CNKSR3: variants seen among roughly 807,000 people sequenced by gnomAD.
CNKSR3 encodes connector enhancer of kinase suppressor of ras 3.
In CNKSR3, 36 loss-of-function variants were observed where a neutral mutation model predicts 67.7. The observed-to-expected ratio is 0.53, with a 90% CI of 0.41 to 0.70. The LOEUF (loss-of-function observed/expected upper bound fraction) is 0.70, where lower values mean the gene tolerates loss of function less well. CNKSR3 is among the 30% of genes least tolerant of loss of function. The pLI, the probability that CNKSR3 is intolerant of heterozygous loss-of-function variation, is 0.00. For synonymous variants in CNKSR3, 281 were observed against 271.4 expected (o/e 1.04, Z -0.35); for missense variants, 630 against 695.2 (o/e 0.91, Z 1.05).
chr6:154,439,389 C>T (rs1582860833), intron 4 of CNKSR3, among the ~76,000 whole-genome samples: 2 of 152,088 alleles, frequency 1.3e-5, no homozygotes, highest in African/African-American at 4.8e-5. Context: ...GGCAGAAGTT[C>T]ACCCCGTGAA....
At chr6:154,427,979 T>C (rs1785288246) in intron 7 of CNKSR3, 149 bp downstream of exon 7, 4 of 621,802 alleles carry the variant, frequency 6.4e-6, no homozygotes, top group Non-Finnish European at 8.8e-6. Context: ...TGACAAGCAG[T>C]ACTCTATCAA....
At position 154,391,592 on chromosome 6, in the gene CNKSR3, T is replaced by C. The variant is rs975939601; in HGVS notation, c.*14762A>G. The C allele has an allele frequency of 6.6e-6, 1 of 152,258 alleles. No individual in the cohort carries two copies. The highest frequency in any genetic ancestry group is 2.4e-5 in the African/African-American group (1 of 41,468). 9.4% of individuals were successfully genotyped at this position (152,258 alleles called of 1,614,324 possible). On this transcript the variant is annotated 3_prime_UTR_variant, in exon 13 of 13. Coordinates refer to ENST00000607772, the MANE Select transcript of CNKSR3 (RefSeq NM_173515.4). The stretch of plus-strand genomic sequence containing the variant: ...CAGTTACATTCTGAGGTACTGGGGT[T>C]AGGACTTCAATATGTGAATTTGGAG...
intron 1 of CNKSR3, among the ~76,000 whole-genome samples, chr6:154,503,785 T>G (rs1787043112): frequency 6.6e-6 from 1 of 152,120 alleles, no homozygotes; most frequent in South Asian, 2.1e-4. Flanking sequence ...GTAAGACTGG[T>G]TTTTTACTTT....
intron 1 of CNKSR3, among the ~76,000 whole-genome samples, chr6:154,508,289 T>C (rs1250664009): frequency 1.3e-5 from 2 of 152,204 alleles, no homozygotes; most frequent in Non-Finnish European, 2.9e-5. Context: ...CATTTCCACA[T>C]GTAATAAAAA....
chr6:154,444,846 C>A (rs1785675307), intron 2 of CNKSR3, among the ~76,000 whole-genome samples: 1 of 152,062 alleles, frequency 6.6e-6, no homozygotes. Flanking sequence ...ACCTCATGAT[C>A]CGCCCACCTT....
In CNKSR3 at chr6:154,388,348, T is replaced by C. The variant is rs1784571250; in HGVS notation, c.*18006A>G. 6.6e-6 allele frequency: 1 copy of C among 152,270 alleles called. No individual in the cohort carries two copies. The highest frequency in any genetic ancestry group is 6.5e-5 in the Admixed American group (1 of 15,288). 9.4% of individuals were successfully genotyped at this position (152,270 alleles called of 1,614,324 possible). A position where few individuals can be genotyped will look rare whatever the true frequency, so the allele number is the denominator to read the frequency against. On this transcript the variant is annotated 3_prime_UTR_variant, in exon 13 of 13. Coordinates refer to ENST00000607772, the MANE Select transcript of CNKSR3 (RefSeq NM_173515.4). ...TTGTTGAATAATTGCAGAATTTCCT[T>C]CTTTTTAAAAGCTAAATAGTATTCC...
rs1348243735 is a variant in CNKSR3, at chr6:154,388,428, A to G, written c.*17926T>C. 1 of 152,060 alleles carries G rather than the reference A, an allele frequency of 6.6e-6. No individual in the cohort carries two copies. The highest frequency in any genetic ancestry group is 2.4e-5 in the African/African-American group (1 of 41,396). The allele number at this position is 152,060 out of a possible 1,614,324, so 9.4% of individuals were successfully genotyped here. On this transcript the variant is annotated 3_prime_UTR_variant, in exon 13 of 13. Transcript: ENST00000607772. ...CATTTCTCCGCCGATGGACGCTTAG[A>G]TTGTTTGTGTATCTTGGATATTGTG...
intron 10 of CNKSR3, 81 bp from the exon 11 acceptor site, chr6:154,411,223 C>T (rs1784905455): frequency 2.1e-6 from 2 of 941,356 alleles, no homozygotes; most frequent in Non-Finnish European, 1.6e-6. Flanking sequence ...CTGCTACCTC[C>T]AGCACACAGA....
chr6:154,414,979 T>C (rs1184642201), intron 9 of CNKSR3, among the ~76,000 whole-genome samples: 1 of 150,566 alleles, frequency 6.6e-6, no homozygotes, highest in African/African-American at 2.4e-5. Context: ...ACGCCTGTAG[T>C]CCCAGCTACT....
At chr6:154,418,799 A>G (rs1408589912) in intron 9 of CNKSR3, among the ~76,000 whole-genome samples, 2 of 152,282 alleles carry the variant, frequency 1.3e-5, no homozygotes, top group Middle Eastern at 3.4e-3. Context: ...TGACAAAAGC[A>G]AAAACAGACA....
At chr6:154,473,986 T>C (rs1280109041) in intron 1 of CNKSR3, among the ~76,000 whole-genome samples, 2 of 149,192 alleles carry the variant, frequency 1.3e-5, no homozygotes, top group South Asian at 2.3e-4. Flanking sequence ...GGTTTCACCA[T>C]GTTGGCCAGG....
intron 1 of CNKSR3, among the ~76,000 whole-genome samples, chr6:154,508,097 T>TA (rs1335580238): frequency 6.6e-6 from 1 of 152,186 alleles, no homozygotes; most frequent in Non-Finnish European, 1.5e-5. Context: ...GCCAGGGTGA[T>TA]AAGATGTAAC....
At chr6:154,455,487 CTT>C (rs571100858) in intron 1 of CNKSR3, among the ~76,000 whole-genome samples, 3 of 145,776 alleles carry the variant, frequency 2.1e-5, no homozygotes, top group Admixed American at 6.9e-5. Flanking sequence ...ATTTTCTTTC[CTT>C]TTTTTTTTTC....
At chr6:154,456,813 T>A (rs904933185) in intron 1 of CNKSR3, among the ~76,000 whole-genome samples, 2 of 148,390 alleles carry the variant, frequency 1.3e-5, no homozygotes, top group African/African-American at 2.5e-5. Context: ...CATCACAGAC[T>A]CACACAAATT....
intron 1 of CNKSR3, among the ~76,000 whole-genome samples, chr6:154,482,955 T>A (rs59371608): frequency 0.022 from 3,405 of 152,320 alleles, 47 homozygotes; most frequent in African/African-American, 0.042. Flanking sequence ...AGGATGCATT[T>A]CTGCCTGCCA....
In CNKSR3 at chr6:154,414,995, T is replaced by A. The variant is rs187543490; in HGVS notation, c.946-572A>T. ...CGCCTGTAGTCCCAGCTACTTGGGA[T>A]GATGAGATGGGAGGATTGCTTGAGC... On this transcript the variant is annotated intron_variant, in intron 9 of 12. Transcript: ENST00000607772. 8.8e-5 allele frequency among the ~76,000 whole-genome samples: 13 copies of A among 147,302 alleles called. No homozygotes were observed. The East Asian group carries it at 2.6e-3, about 30-fold the overall frequency.
At chr6:154,498,014 A>C (rs137990376) in intron 1 of CNKSR3, among the ~76,000 whole-genome samples, 2,065 of 152,320 alleles carry the variant, frequency 0.014, 44 homozygotes, top group African/African-American at 0.047. Flanking sequence ...TATAGCCACT[A>C]TGGGGAGGTA....
chr6:154,419,710 C>T (rs1265453803), intron 9 of CNKSR3, among the ~76,000 whole-genome samples: 1 of 152,000 alleles, frequency 6.6e-6, no homozygotes, highest in Admixed American at 6.6e-5. Context: ...TCAAAACAGC[C>T]CAGCCATCAA....
At chr6:154,471,836 G>A (rs1786337016) in intron 1 of CNKSR3, among the ~76,000 whole-genome samples, 1 of 152,086 alleles carries the variant, frequency 6.6e-6, no homozygotes. Flanking sequence ...TTCAGGAAAT[G>A]CCAGTCCTGA....
Sources: allele counts gnomAD v4.1 joint callset (sites outside exome capture counted in the v4.1 genomes callset), GRCh38; gene constraint gnomAD v4.1.1; transcripts MANE v1.5; gene names NCBI Gene and HGNC (gene_info 2026-07-23, HGNC 2026-07-21).